Variants in USHBP1 observed in about 807,000 individuals in gnomAD.
The protein encoded by USHBP1 is USH1 protein network component harmonin binding protein 1.
In USHBP1, 67 loss-of-function variants were observed where a neutral mutation model predicts 76.2. The observed-to-expected ratio is 0.88, with a 90% confidence interval of 0.72 to 1.08. The LOEUF is 1.08. USHBP1 is among the 50% of genes least tolerant of loss of function. The pLI is 0.00. For synonymous variants in USHBP1, 322 were observed against 362.2 expected (o/e 0.89, Z 1.26); for missense variants, 931 against 915.0 (o/e 1.02, Z -0.23).
chr19:17,254,681 C>T (rs373366731), intron 10 of USHBP1, among the ~76,000 whole-genome samples: 2 of 151,288 alleles, frequency 1.3e-5, no homozygotes, highest in African/African-American at 4.8e-5. Flanking sequence ...GAGATGAGGT[C>T]TCGCTGTGTG....
intron 8 of USHBP1, 64 bp downstream of exon 8, chr19:17,258,148 C>T (rs1016885921): frequency 6.2e-7 from 1 of 1,600,042 alleles, no homozygotes. Flanking sequence ...GCTCTGGGAG[C>T]CCCATCCCCC....
rs1032666506 is a variant in USHBP1, at chr19:17,253,210, C to T, written c.1693-1193G>A. On this transcript the variant is annotated intron_variant, in intron 10 of 12. Coordinates refer to ENST00000252597, the MANE Select transcript of USHBP1 (RefSeq NM_031941.4). Reference sequence around the variant, plus strand: ...GTCTCGATCTCCTGACCTCGTGATCCGCCCAACTCGGCCTCCCAAAGTGCT... The same window carrying T: ...GTCTCGATCTCCTGACCTCGTGATCTGCCCAACTCGGCCTCCCAAAGTGCT... 5.9e-5 allele frequency among the ~76,000 whole-genome samples: 9 copies of T among 152,016 alleles called. No homozygotes were observed. In the South Asian group the frequency reaches 1.0e-3, roughly 18 times the overall value.
intron 4 of USHBP1, among the ~76,000 whole-genome samples, chr19:17,261,331 TTCTTTC>T (rs1175279763): frequency 1.9e-4 from 19 of 100,988 alleles, no homozygotes; most frequent in Admixed American, 2.9e-4. Flanking sequence ...CTTTCTTTCT[TTCTTTC>T]TTTTTTTTTT....
intron 3 of USHBP1, 94 bp downstream of exon 3, chr19:17,263,908 T>A: frequency 7.1e-7 from 1 of 1,398,910 alleles, no homozygotes; most frequent in African/African-American, 1.5e-5. Context: ...GGAGCTATGG[T>A]AGGTGTGTGA....
intron 9 of USHBP1, 39 bp from the exon 10 acceptor site, chr19:17,255,645 A>G (rs373754101): frequency 1.4e-5 from 22 of 1,547,774 alleles, no homozygotes; most frequent in African/African-American, 4.1e-5. Flanking sequence ...TTATGCTTCT[A>G]CGGTCAACTG....
chr19:17,252,410 G>T (rs571988297), intron 10 of USHBP1, among the ~76,000 whole-genome samples: 115 of 151,902 alleles, frequency 7.6e-4, no homozygotes, highest in African/African-American at 2.8e-3. Context: ...TGGCCAGGCT[G>T]GTCTCGAACC....
rs115707550 is a variant in USHBP1, at chr19:17,264,441, C to A, written c.-48-94G>T. On this transcript the variant is annotated intron_variant, in intron 1 of 12. Coordinates refer to ENST00000252597, the MANE Select transcript of USHBP1 (RefSeq NM_031941.4). ...TGCTGTGAAATGGGGCACTGACTAC[C>A]CCTCAGGAAGGGATTTTGTTATCAA... 9.2e-4 allele frequency: 918 copies of A among 1,002,394 alleles called. 3 individuals carry two copies. The African/African-American group carries it at 0.014, about 15-fold the overall frequency. 62.1% of individuals were successfully genotyped at this position (1,002,394 alleles called of 1,614,324 possible). A position where few individuals can be genotyped will look rare whatever the true frequency, so the allele number is the denominator to read the frequency against.
At chr19:17,252,250 C>G (rs7247167) in intron 10 of USHBP1, among the ~76,000 whole-genome samples, 101,955 of 151,254 alleles carry the variant, frequency 0.67, 34,943 homozygotes, top group East Asian at 0.82. Context: ...GGCTGGAGTA[C>G]AGTGGCACGA....
chr19:17,251,556 A>G (rs759753166), intron 12 of USHBP1, 26 bp downstream of exon 12: 2 of 1,611,354 alleles, frequency 1.2e-6, no homozygotes, highest in East Asian at 2.2e-5. Flanking sequence ...TGCCAGGGGG[A>G]TTGGGGGGAT....
chr19:17,260,438 T>C (rs995817854), intron 4 of USHBP1, among the ~76,000 whole-genome samples: 3 of 152,218 alleles, frequency 2.0e-5, no homozygotes, highest in African/African-American at 7.2e-5. Flanking sequence ...CAAGTGATTC[T>C]CCTGCTTCAG....
chr19:17,250,321 C>G lies in USHBP1; in HGVS notation c.2016G>C (p.Gln672His), dbSNP rs769718172. 4.3e-6 allele frequency: 7 copies of G among 1,613,568 alleles called. No individual in the cohort carries two copies. Among genetic ancestry groups the G allele is most frequent in the Non-Finnish European group, 5.1e-6 (6 of 1,179,904 alleles). The change falls in exon 13 of 13, where the codon CAG becomes CAC. Residue 672 changes from glutamine (Q) to histidine (H), a missense_variant. Transcript: ENST00000252597. Reference sequence around the variant, plus strand: ...CTTCGAGCACCGCCACCTCCTCGGCCTGCTGAGCCTCCATGAGTGCCATCT... The same window carrying G: ...CTTCGAGCACCGCCACCTCCTCGGCGTGCTGAGCCTCCATGAGTGCCATCT... The part of the protein sequence containing the change: ...EQQMALMEAQ[Q>H]AEEVAVLEAT...
chr19:17,249,475 T>C lies in USHBP1; in HGVS notation c.*750A>G, dbSNP rs2073525369. 2 of 149,988 alleles carry C rather than the reference T, an allele frequency of 1.3e-5. No homozygotes were observed. The highest frequency in any genetic ancestry group is 5.0e-5 in the African/African-American group (2 of 40,102). The allele number at this position is 149,988 out of a possible 1,614,324, so 9.3% of individuals were successfully genotyped here. On this transcript the variant is annotated 3_prime_UTR_variant, in exon 13 of 13. Coordinates refer to ENST00000252597, the MANE Select transcript of USHBP1 (RefSeq NM_031941.4). The stretch of plus-strand genomic sequence containing the variant: ...TCCCAAAGTGCTGGGATTACAGGCA[T>C]GAGTCACCACGCCTGGCCTGTTTTT...
chr19:17,252,008 CAGGAAGGCCCTA>C lies in USHBP1; in HGVS notation c.1693-3_1701del. The stretch of plus-strand genomic sequence containing the variant: ...ATGCCACTGGTGCCACCAGGGACAG[CAGGAAGGCCCTA>C]AGGGAGGCAGAAGACAAGAAAGTGA... On this transcript the variant is annotated splice_acceptor_variant and splice_polypyrimidine_tract_variant and coding_sequence_variant and intron_variant, in exon 11 of 13. Coordinates refer to ENST00000252597, the MANE Select transcript of USHBP1 (RefSeq NM_031941.4). LOFTEE classifies it high-confidence loss of function. 2.6e-6 allele frequency: 4 copies of C among 1,548,600 alleles called. No individual in the cohort carries two copies. The highest frequency in any genetic ancestry group is 3.5e-6 in the Non-Finnish European group (4 of 1,147,150).
rs768576505 is a variant in USHBP1 at position 17,256,572 on chromosome 19, G to A, written c.1369C>T (p.Arg457Cys). Residue 457 changes from arginine (R) to cysteine (C), a missense_variant, in exon 9 of 13, where the codon CGT (arginine) becomes TGT (cysteine). By Grantham distance (180) the Arg-to-Cys change is radical (BLOSUM62 -3). Coordinates refer to ENST00000252597, the MANE Select transcript of USHBP1 (RefSeq NM_031941.4). ...PTLAPMPTVP[R>C]AEAMVQAILG... The stretch of plus-strand genomic sequence containing the variant: ...ATGGCCTGCACCATGGCTTCTGCAC[G>A]GGGCACAGTGGGCATGGGTGCCAAG... 13 of 1,614,016 alleles carry A rather than the reference G, an allele frequency of 8.1e-6. No individual in the cohort carries two copies. The highest frequency in any genetic ancestry group is 1.6e-4 in the Middle Eastern group (1 of 6,084).
chr19:17,262,966 G>T lies in USHBP1; in HGVS notation c.228C>A (p.Gly76=). 6.6e-7 allele frequency: 1 copy of T among 1,522,070 alleles called. No homozygotes were observed. The highest frequency in any genetic ancestry group is 2.3e-5 in the East Asian group (1 of 44,032). The allele number at this position is 1,522,070 out of a possible 1,614,324, so 94.3% of individuals were successfully genotyped here. The change falls in exon 4 of 13, where the codon GGC becomes GGA. Residue 76 remains glycine, a synonymous_variant. Coordinates refer to ENST00000252597, the MANE Select transcript of USHBP1 (RefSeq NM_031941.4). The part of the protein sequence containing the change: ...GSRTDKKMDG[G]SGRELASAPE... Reference sequence around the variant, plus strand: ...GGGCTGAGGCCAGTTCCCTGCCAGAGCCCCCATCCATCTTCTTGTCAGTCC... The same window carrying T: ...GGGCTGAGGCCAGTTCCCTGCCAGATCCCCCATCCATCTTCTTGTCAGTCC...
At chr19:17,257,020 CTTT>C (rs574690408) in intron 8 of USHBP1, among the ~76,000 whole-genome samples, 3 of 131,812 alleles carry the variant, frequency 2.3e-5, no homozygotes, top group African/African-American at 2.8e-5. Context: ...GAGAATCCGT[CTTT>C]TTTTTTTTTT....
In USHBP1 at chr19:17,250,429, T is replaced by A; in HGVS notation, c.1923-15A>T. The A allele has an allele frequency of 6.2e-7, 1 of 1,607,924 alleles. No individual in the cohort carries two copies. Among genetic ancestry groups the A allele is most frequent in the Non-Finnish European group, 8.5e-7 (1 of 1,179,038 alleles). On this transcript the variant is annotated splice_polypyrimidine_tract_variant and intron_variant, in intron 12 of 12. Transcript: ENST00000252597. The stretch of plus-strand genomic sequence containing the variant: ...GGACCAGGGCGCTGGAAGGGGTGGG[T>A]GGCTGGGTCAGGAAACAGCCCCCGA...
chr19:17,256,001 TC>T (rs2073614609), intron 9 of USHBP1, among the ~76,000 whole-genome samples: 2 of 98,126 alleles, frequency 2.0e-5, no homozygotes, highest in African/African-American at 1.0e-4. Context: ...AGACTCCGTC[TC>T]AAAAAACAAA....
rs765310807 is a variant in USHBP1 at position 17,249,781 on chromosome 19, CG to C, written c.*443del. ...GATTACAGATGTGCACCACTGAGCCCGGCCCCCTTCAGGAAAATCTGCCAGC... is the reference window on the plus strand; with the variant it reads ...GATTACAGATGTGCACCACTGAGCCCGCCCCCTTCAGGAAAATCTGCCAGC... On this transcript the variant is annotated 3_prime_UTR_variant, in exon 13 of 13. Transcript: ENST00000252597. The C allele has an allele frequency of 2.7e-5, 5 of 184,476 alleles. No homozygotes were observed. Among genetic ancestry groups the C allele is most frequent in the South Asian group, 1.1e-4 (1 of 9,420 alleles). The allele number at this position is 184,476 out of a possible 1,614,324, so 11.4% of individuals were successfully genotyped here.
Sources: allele counts gnomAD v4.1 joint callset (sites outside exome capture counted in the v4.1 genomes callset), GRCh38; gene constraint gnomAD v4.1.1; transcripts MANE v1.5; gene names NCBI Gene and HGNC (gene_info 2026-07-23, HGNC 2026-07-21).